ASH1L: variants seen among roughly 807,000 people sequenced by gnomAD.
ASH1L encodes the protein ASH1 like histone lysine methyltransferase.
In ASH1L, 23 loss-of-function variants were observed where a neutral mutation model predicts 269.0. The ratio of observed to expected loss-of-function variants is 0.09; its 90% CI spans 0.06 to 0.12. The LOEUF is 0.12. ASH1L is among the 10% of genes least tolerant of loss of function. ASH1L has a pLI of 1.00. For synonymous variants in ASH1L, 1,187 were observed against 1,253.5 expected, an observed-to-expected ratio of 0.95 and a Z score of 1.12; for missense variants, 2,912 against 3,567.8, an observed-to-expected ratio of 0.82 and a Z score of 4.68.
chr1:155,351,668 G>A (rs1217113184), intron 17 of ASH1L, among the ~76,000 whole-genome samples: 1 of 152,044 alleles, frequency 6.6e-6, no homozygotes, highest in African/African-American at 2.4e-5. Context: ...GGCCAATATG[G>A]TGAAACACTG....
At chr1:155,341,039 T>C (rs1332308049) in intron 25 of ASH1L, among the ~76,000 whole-genome samples, 1 of 152,188 alleles carries the variant, frequency 6.6e-6, no homozygotes, top group African/African-American at 2.4e-5. Context: ...TGGCGCGATC[T>C]TGGCTCACTG....
At chr1:155,516,331 T>C (rs1668500969) in intron 2 of ASH1L, among the ~76,000 whole-genome samples, 1 of 152,222 alleles carries the variant, frequency 6.6e-6, no homozygotes, top group African/African-American at 2.4e-5. Context: ...AACCTAGTGT[T>C]TCCCAAATCT....
chr1:155,395,797 G>C (rs1433651706), intron 6 of ASH1L, among the ~76,000 whole-genome samples: 1 of 152,216 alleles, frequency 6.6e-6, no homozygotes, highest in East Asian at 1.9e-4. Context: ...CCAGGAATTT[G>C]AGACTGGCCT....
intron 2 of ASH1L, among the ~76,000 whole-genome samples, chr1:155,510,411 C>CA (rs1161549080): frequency 0.046 from 1,862 of 40,610 alleles, 79 homozygotes; most frequent in Middle Eastern, 0.088. Flanking sequence ...AAGGCTGCCT[C>CA]AAAAAAAAAA....
intron 2 of ASH1L, among the ~76,000 whole-genome samples, chr1:155,491,546 G>A (rs1290839830): frequency 2.0e-5 from 3 of 152,156 alleles, no homozygotes; most frequent in African/African-American, 7.2e-5. Context: ...CTTGCTCAAG[G>A]TCACTTAACC....
intron 5 of ASH1L, chr1:155,434,188 G>C: frequency 1.3e-6 from 2 of 1,594,048 alleles, no homozygotes; most frequent in Non-Finnish European, 1.7e-6. Context: ...TGTACTCCTC[G>C]GTCCCTTTCC....
intron 1 of ASH1L, among the ~76,000 whole-genome samples, chr1:155,551,568 G>A (rs539598565): frequency 1.9e-4 from 28 of 148,694 alleles, no homozygotes; most frequent in African/African-American, 6.2e-4. Context: ...GCTGAGGCAG[G>A]AGAATGGCGT....
intron 1 of ASH1L, among the ~76,000 whole-genome samples, chr1:155,522,830 G>C (rs957597699): frequency 1.3e-5 from 2 of 151,908 alleles, no homozygotes; most frequent in African/African-American, 2.4e-5. Context: ...GGCATTACAG[G>C]CACAAGCCAC....
Position 155,349,192 on chromosome 1 carries a change from C to T in ASH1L, c.7554+135G>A, listed in dbSNP as rs546753102. 5.7e-6 allele frequency: 5 copies of T among 874,902 alleles called. No individual in the cohort carries two copies. In the East Asian group the frequency reaches 7.7e-5, roughly 14 times the overall value. 54.2% of individuals were successfully genotyped at this position (874,902 alleles called of 1,614,324 possible). A position where few individuals can be genotyped will look rare whatever the true frequency, so the allele number is the denominator to read the frequency against. On this transcript the variant is annotated intron_variant, in intron 19 of 27. Coordinates refer to ENST00000392403, the MANE Select transcript of ASH1L (RefSeq NM_018489.3). ...ATATTTAGTATACTGTAACACATACCCCAAGGATACTCAAAAATGACTGGC... is the reference window on the plus strand; with the variant it reads ...ATATTTAGTATACTGTAACACATACTCCAAGGATACTCAAAAATGACTGGC...
intron 1 of ASH1L, among the ~76,000 whole-genome samples, chr1:155,522,686 AT>A (rs34562141): frequency 0.04 from 5,677 of 141,116 alleles, 113 homozygotes; most frequent in South Asian, 0.065. Context: ...AGATTAGTGA[AT>A]TTTTTTTTTT....
At chr1:155,557,248 G>A (rs1304276174) in intron 1 of ASH1L, among the ~76,000 whole-genome samples, 1 of 151,950 alleles carries the variant, frequency 6.6e-6, no homozygotes, top group Non-Finnish European at 1.5e-5. Flanking sequence ...GTCATCACTA[G>A]AAGTCATTAT....
chr1:155,370,806 T>C lies in ASH1L; in HGVS notation c.6510A>G (p.Leu2170=). The change falls in exon 11 of 28, where the codon CTA becomes CTG. Residue 2170 remains leucine, a synonymous_variant. Transcript: ENST00000392403. ...LKAGQFIIEY[L]GEVVSEQEFR... ...ACTCCTGTTCACTGACGACCTCCCC[T>C]AGGTATTCAATGATGAACTGCCCAG... The C allele has an allele frequency of 1.2e-6, 2 of 1,614,232 alleles. No homozygotes were observed. The highest frequency in any genetic ancestry group is 2.2e-5 in the South Asian group (2 of 91,092).
intron 4 of ASH1L, among the ~76,000 whole-genome samples, chr1:155,452,779 A>C (rs1157135074): frequency 6.6e-6 from 1 of 151,656 alleles, no homozygotes; most frequent in African/African-American, 2.4e-5. Context: ...CTGCCCTCGA[A>C]CTCCTGGCCT....
At chr1:155,349,707 G>GTA in intron 17 of ASH1L, 111 bp from the exon 18 acceptor site, 4 of 422,736 alleles carry the variant, frequency 9.5e-6, no homozygotes, top group Non-Finnish European at 1.7e-5. Context: ...AAAAATCCAA[G>GTA]TCTTTTTTTT....
chr1:155,416,584 G>A (rs1660229033), intron 5 of ASH1L, among the ~76,000 whole-genome samples: 1 of 151,932 alleles, frequency 6.6e-6, no homozygotes, highest in African/African-American at 2.4e-5. Flanking sequence ...TGCCCAGGCT[G>A]GAGTGCAGTG....
intron 2 of ASH1L, among the ~76,000 whole-genome samples, chr1:155,511,592 G>A (rs570076552): frequency 1.3e-5 from 2 of 152,038 alleles, no homozygotes; most frequent in East Asian, 3.9e-4. Context: ...TGCAACCTCC[G>A]CCTCCCGGGC....
chr1:155,373,548 G>T (rs1413495020), intron 10 of ASH1L, among the ~76,000 whole-genome samples: 1 of 152,086 alleles, frequency 6.6e-6, no homozygotes, highest in Non-Finnish European at 1.5e-5. Flanking sequence ...CTCCCTCATC[G>T]GCCTCCCAAA....
intron 7 of ASH1L, among the ~76,000 whole-genome samples, chr1:155,386,697 C>T (rs1158401825): frequency 3.3e-5 from 5 of 151,584 alleles, no homozygotes; most frequent in Admixed American, 6.6e-5. Context: ...CCAGGCCTTG[C>T]CCACTTCTCA....
chr1:155,556,323 G>C (rs568842656), intron 1 of ASH1L, among the ~76,000 whole-genome samples: 87 of 152,134 alleles, frequency 5.7e-4, no homozygotes, highest in Admixed American at 1.6e-3. Flanking sequence ...AACTGAGCCT[G>C]GGAATTCAAG....
Sources: allele counts gnomAD v4.1 joint callset (sites outside exome capture counted in the v4.1 genomes callset), GRCh38; gene constraint gnomAD v4.1.1; transcripts MANE v1.5; gene names NCBI Gene and HGNC (gene_info 2026-07-23, HGNC 2026-07-21).